Variants in KCNQ4 observed in about 807,000 individuals in gnomAD.
The protein encoded by KCNQ4 is potassium voltage-gated channel subfamily KQT member 4.
In KCNQ4, 31 loss-of-function variants were observed where a neutral mutation model predicts 72.6. That is an observed-to-expected ratio of 0.43 (90% CI 0.32 to 0.58). The LOEUF is 0.58. Among genes scored for constraint, KCNQ4 ranks in the 20% least tolerant of loss-of-function variants. The probability of loss-of-function intolerance (pLI) is 0.08; values close to 1 mark genes in which losing one functional copy is unlikely to be tolerated. For missense variants in KCNQ4, 869 were observed against 962.6 expected (o/e 0.90, Z 1.29); for synonymous variants, 405 against 403.7 (o/e 1.00, Z -0.04).
At chr1:40,818,316 T>C in intron 3 of KCNQ4, 26 bp downstream of exon 3, 1 of 1,611,770 alleles carries the variant, frequency 6.2e-7, no homozygotes, top group Middle Eastern at 1.7e-4. Flanking sequence ...CCGCCCGACC[T>C]GACCCCTGAC....
intron 2 of KCNQ4, 100 bp from the exon 3 acceptor site, chr1:40,818,064 C>G: frequency 1.3e-6 from 2 of 1,531,756 alleles, no homozygotes; most frequent in Non-Finnish European, 1.8e-6. Context: ...CGAGGAGGCC[C>G]TGGTCCCCCT....
intron 1 of KCNQ4, among the ~76,000 whole-genome samples, chr1:40,805,849 T>C (rs1313210638): frequency 6.6e-6 from 1 of 152,214 alleles, no homozygotes; most frequent in African/African-American, 2.4e-5. Context: ...ATGAAATTTT[T>C]TTTTTTTTTT....
At position 40,784,507 on chromosome 1, in the gene KCNQ4, T is replaced by G. The variant is rs1647184733; in HGVS notation, c.314+100T>G. ...TGGCTCCGCCTTCTACCCCCCTGCC[T>G]CAGGGCCGACCCTCATCTCTCTCCC... is the stretch of plus-strand genomic sequence containing the variant. On this transcript the variant is annotated intron_variant, in intron 1 of 13. Transcript: ENST00000347132. This position sits in a 1 kb window ranked among gnomAD's most constrained non-coding sequence, Gnocchi z 4.1. 67 of 1,166,260 alleles carry G rather than the reference T, an allele frequency of 5.7e-5. 1 individual carries two copies. The South Asian group carries it at 8.1e-4, about 14-fold the overall frequency. 72.2% of individuals were successfully genotyped at this position (1,166,260 alleles called of 1,614,324 possible).
At chr1:40,802,247 G>C (rs1191591145) in intron 1 of KCNQ4, among the ~76,000 whole-genome samples, 1 of 152,136 alleles carries the variant, frequency 6.6e-6, no homozygotes, top group Admixed American at 6.5e-5. Context: ...AGGTGGAAGG[G>C]CGAGGCCGAG....
intron 1 of KCNQ4, among the ~76,000 whole-genome samples, chr1:40,790,912 G>A (rs1346308813): frequency 6.6e-6 from 1 of 152,166 alleles, no homozygotes; most frequent in East Asian, 1.9e-4. Context: ...GAGTGTGTCT[G>A]TGAGTTATGG....
rs570953926 is a variant in KCNQ4, at chr1:40,820,276, G to A, written c.1041+16G>A. ...CCTCATCCAGGTACAAGATGCCCGG[G>A]AAGAAGCCCTAGGAGCAGGGCCGTG... On this transcript the variant is annotated intron_variant, in intron 7 of 13. Transcript: ENST00000347132. 46 of 1,584,940 alleles carry A rather than the reference G, an allele frequency of 2.9e-5. No individual in the cohort carries two copies. In the East Asian group the frequency reaches 9.0e-4, roughly 31 times the overall value.
intron 1 of KCNQ4, among the ~76,000 whole-genome samples, chr1:40,811,137 T>G (rs1647920699): frequency 6.6e-6 from 1 of 152,068 alleles, no homozygotes. Flanking sequence ...ATTAAGAACA[T>G]GCATTTAGAG....
At chr1:40,813,941 G>T (rs1029681408) in intron 1 of KCNQ4, among the ~76,000 whole-genome samples, 9 of 150,970 alleles carry the variant, frequency 6.0e-5, no homozygotes, top group African/African-American at 2.2e-4. Flanking sequence ...TAGAGACAGG[G>T]TTTCACCGTG....
At position 40,792,575 on chromosome 1, in the gene KCNQ4, A is replaced by G. The variant is rs1259053058; in HGVS notation, c.314+8168A>G. 2.6e-5 allele frequency among the ~76,000 whole-genome samples: 4 copies of G among 152,090 alleles called. No individual in the cohort carries two copies. In the East Asian group the frequency reaches 5.8e-4, roughly 22 times the overall value. On this transcript the variant is annotated intron_variant, in intron 1 of 13. Transcript: ENST00000347132. Reference sequence around the variant, plus strand: ...CCACCTTCCCTCCTTATGGAGTAACATGGGAGAAATGCTGCCTCCCTGCTG... The same window carrying G: ...CCACCTTCCCTCCTTATGGAGTAACGTGGGAGAAATGCTGCCTCCCTGCTG...
At chr1:40,819,818 A>G in intron 5 of KCNQ4, 57 bp from the exon 6 acceptor site, 7 of 1,380,910 alleles carry the variant, frequency 5.1e-6, no homozygotes, top group Non-Finnish European at 7.2e-6. Context: ...TGTACCCCCA[A>G]CAAGCCGTAG....
chr1:40,819,460 C>A lies in KCNQ4; in HGVS notation c.822C>A (p.Leu274=), dbSNP rs1158481632. The A allele has an allele frequency of 3.1e-6, 5 of 1,613,728 alleles. No homozygotes were observed. In the Admixed American group the frequency reaches 5.0e-5, roughly 16 times the overall value. ...ACTTCTCCTCCTACGCCGACTCGCTCTGGTGGGGGACGGTGCGTGAGGGTC... is the reference window on the plus strand; with the variant it reads ...ACTTCTCCTCCTACGCCGACTCGCTATGGTGGGGGACGGTGCGTGAGGGTC... The part of the protein sequence containing the change: ...NSDFSSYADS[L]WWGTITLTTI... Residue 274 remains leucine, a synonymous_variant, in exon 5 of 14, where the codon CTC becomes CTA. Coordinates refer to ENST00000347132, the MANE Select transcript of KCNQ4 (RefSeq NM_004700.4).
Position 40,835,949 on chromosome 1 carries a change from A to G in KCNQ4, c.1745+851A>G, listed in dbSNP as rs1648795644. On this transcript the variant is annotated intron_variant, in intron 12 of 13. Coordinates refer to ENST00000347132, the MANE Select transcript of KCNQ4 (RefSeq NM_004700.4). ...GAGGTGAGGTCAGAGGGCTAACGGC[A>G]CTCAGAGAGTGTAAAGTCCTGTAGG... Among the ~76,000 whole-genome samples the G allele has an allele frequency of 2.6e-5, 4 of 152,278 alleles. No individual in the cohort carries two copies. The South Asian group carries it at 8.3e-4, about 32-fold the overall frequency.
chr1:40,824,919 G>T (rs900282339), intron 9 of KCNQ4, among the ~76,000 whole-genome samples: 1 of 152,292 alleles, frequency 6.6e-6, no homozygotes, highest in Admixed American at 6.5e-5. Context: ...ACACTTTGGC[G>T]CTCCCAGCCA....
Position 40,838,629 on chromosome 1 carries a change from C to T in KCNQ4, c.*106C>T. On this transcript the variant is annotated 3_prime_UTR_variant, in exon 14 of 14. Coordinates refer to ENST00000347132, the MANE Select transcript of KCNQ4 (RefSeq NM_004700.4). Reference sequence around the variant, plus strand: ...TCTCGTACTTGAACTCACTCCCTCACGGGGAGAGAGACCACACGCAGTATT... The same window carrying T: ...TCTCGTACTTGAACTCACTCCCTCATGGGGAGAGAGACCACACGCAGTATT... The T allele has an allele frequency of 1.9e-6, 2 of 1,066,118 alleles. No homozygotes were observed. Among genetic ancestry groups the T allele is most frequent in the East Asian group, 2.5e-5 (1 of 39,958 alleles). 66.0% of individuals were successfully genotyped at this position (1,066,118 alleles called of 1,614,324 possible). A position where few individuals can be genotyped will look rare whatever the true frequency, so the allele number is the denominator to read the frequency against.
At chr1:40,795,881 A>T (rs930927450) in intron 1 of KCNQ4, among the ~76,000 whole-genome samples, 5 of 152,218 alleles carry the variant, frequency 3.3e-5, no homozygotes, top group African/African-American at 1.2e-4. Flanking sequence ...TAAGATTCAT[A>T]GTCTAATCTC....
chr1:40,838,705 C>T lies in KCNQ4; in HGVS notation c.*182C>T, dbSNP rs1216603888. The stretch of plus-strand genomic sequence containing the variant: ...TGCTGTGGGTGCCAGCGCCCCTTCC[C>T]CACCTCAGGAGCGTGAGATGCCAGG... On this transcript the variant is annotated 3_prime_UTR_variant, in exon 14 of 14. Coordinates refer to ENST00000347132, the MANE Select transcript of KCNQ4 (RefSeq NM_004700.4). 6.1e-6 allele frequency: 4 copies of T among 658,762 alleles called. No homozygotes were observed. The highest frequency in any genetic ancestry group is 4.5e-5 in the Admixed American group (2 of 44,666). The allele number at this position is 658,762 out of a possible 1,614,324, so 40.8% of individuals were successfully genotyped here. A position where few individuals can be genotyped will look rare whatever the true frequency, so the allele number is the denominator to read the frequency against.
At position 40,831,086 on chromosome 1, in the gene KCNQ4, G is replaced by A. The variant is rs1648628684; in HGVS notation, c.1295G>A (p.Ser432Asn). The A allele has an allele frequency of 6.3e-7, 1 of 1,583,558 alleles. No homozygotes were observed. The highest frequency in any genetic ancestry group is 8.6e-7 in the Non-Finnish European group (1 of 1,164,658). ...TCCCAACCTGCCTGCCCTGCCAGCA[G>A]CCGGATGGGCATCAAAGACCGCATC... Reference protein sequence around the residue: ...GSTSFCPGESSRMGIKDRIRM... With the variant: ...GSTSFCPGESNRMGIKDRIRM... Residue 432 changes from serine to asparagine, a missense_variant and splice_region_variant, in exon 10 of 14, where the codon AGC becomes AAC. Coordinates refer to ENST00000347132, the MANE Select transcript of KCNQ4 (RefSeq NM_004700.4).
In KCNQ4 at chr1:40,790,849, GCTT is replaced by G. The variant is rs1416562392; in HGVS notation, c.314+6448_314+6450del. 5.9e-5 allele frequency among the ~76,000 whole-genome samples: 9 copies of G among 152,278 alleles called. No homozygotes were observed. The South Asian group carries it at 1.7e-3, about 28-fold the overall frequency. On this transcript the variant is annotated intron_variant, in intron 1 of 13. Transcript: ENST00000347132. ...TCTGCCGGGACCACTGGCCTCAGCT[GCTT>G]CTTCTCCCAGGGAGAGGTTTGGAGA...
rs1008775114 is a variant in KCNQ4 at position 40,817,683 on chromosome 1, C to T, written c.405+328C>T. Among the ~76,000 whole-genome samples the T allele has an allele frequency of 3.3e-5, 5 of 152,198 alleles. No individual in the cohort carries two copies. Among genetic ancestry groups the T allele is most frequent in the African/African-American group, 1.2e-4 (5 of 41,430 alleles). ...TTTATAGCAAGTGTTGGGGGACCTC[C>T]TGCCTCTATGCAAGGGCTTATGATG... On this transcript the variant is annotated intron_variant, in intron 2 of 13. Transcript: ENST00000347132. The surrounding 1 kb of genome is among the most constrained non-coding windows in gnomAD (Gnocchi z 5.5).
Sources: allele counts gnomAD v4.1 joint callset (sites outside exome capture counted in the v4.1 genomes callset), GRCh38; gene constraint gnomAD v4.1.1; non-coding constraint Gnocchi (gnomAD v3.1); transcripts MANE v1.5; gene names NCBI Gene and HGNC (gene_info 2026-07-23, HGNC 2026-07-21).